Variants in FBLN2 observed in about 807,000 individuals in gnomAD.
FBLN2 encodes fibulin 2, also known as fibulin-2.
In FBLN2, 81 loss-of-function variants were observed where a neutral mutation model predicts 123.7. The observed-to-expected ratio is 0.65, with a 90% CI of 0.55 to 0.79. The LOEUF (loss-of-function observed/expected upper bound fraction) is 0.79. Among genes scored for constraint, FBLN2 ranks in the 30% least tolerant of loss-of-function variants. The probability of loss-of-function intolerance (pLI) is 0.00; values close to 1 mark genes in which losing one functional copy is unlikely to be tolerated. For missense variants in FBLN2, 1,603 were observed against 1,681.3 expected, an observed-to-expected ratio of 0.95 and a Z score of 0.81; for synonymous variants, 699 against 701.4, an observed-to-expected ratio of 1.00 and a Z score of 0.05.
intron 17 of FBLN2, among the ~76,000 whole-genome samples, chr3:13,637,133 G>A (rs770312275): frequency 5.9e-5 from 9 of 152,172 alleles, no homozygotes; most frequent in African/African-American, 9.7e-5. Flanking sequence ...CTGACAGACC[G>A]CTACTCTGCC....
chr3:13,599,906 G>A (rs1316020850), intron 2 of FBLN2, among the ~76,000 whole-genome samples: 3 of 151,672 alleles, frequency 2.0e-5, no homozygotes, highest in Non-Finnish European at 4.4e-5. Context: ...GAGGAAGGTG[G>A]CATTGGAAGC....
At chr3:13,606,592 A>T (rs1396871482) in intron 2 of FBLN2, among the ~76,000 whole-genome samples, 1 of 152,246 alleles carries the variant, frequency 6.6e-6, no homozygotes, top group Non-Finnish European at 1.5e-5. Flanking sequence ...GTTGACAGGA[A>T]GCCTTACTGA....
chr3:13,574,848 A>T (rs1050463157), intron 2 of FBLN2, among the ~76,000 whole-genome samples: 1 of 152,130 alleles, frequency 6.6e-6, no homozygotes, highest in African/African-American at 2.4e-5. Context: ...TCAGTTGGGC[A>T]GCCCGATCCC....
chr3:13,613,487 A>T (rs1047385641), intron 4 of FBLN2, among the ~76,000 whole-genome samples: 1 of 152,208 alleles, frequency 6.6e-6, no homozygotes, highest in African/African-American at 2.4e-5. Flanking sequence ...TGTAGCTTCC[A>T]TCTTCAGGGT....
intron 2 of FBLN2, among the ~76,000 whole-genome samples, chr3:13,604,699 T>C (rs576698344): frequency 6.6e-6 from 1 of 152,346 alleles, no homozygotes; most frequent in South Asian, 2.1e-4. Context: ...TGTTCCCCCA[T>C]TGAGTATGAT....
intron 11 of FBLN2, among the ~76,000 whole-genome samples, chr3:13,628,328 T>G (rs970855992): frequency 6.6e-6 from 1 of 152,122 alleles, no homozygotes; most frequent in Non-Finnish European, 1.5e-5. Context: ...TCTACACACA[T>G]CCAGGAAGAA....
At chr3:13,556,250 C>T (rs567651021) in intron 1 of FBLN2, among the ~76,000 whole-genome samples, 26 of 152,096 alleles carry the variant, frequency 1.7e-4, no homozygotes, top group African/African-American at 5.5e-4. Context: ...CCCTAGATTT[C>T]GTTCCTGGTG....
At chr3:13,612,197 C>T (rs1015723951) in intron 4 of FBLN2, among the ~76,000 whole-genome samples, 14 of 152,036 alleles carry the variant, frequency 9.2e-5, no homozygotes, top group East Asian at 1.9e-4. Flanking sequence ...GGTCTAGAAA[C>T]GTTTAGAATC....
intron 16 of FBLN2, among the ~76,000 whole-genome samples, chr3:13,634,242 C>T (rs752085624): frequency 1.3e-5 from 2 of 152,238 alleles, no homozygotes; most frequent in Non-Finnish European, 2.9e-5. Context: ...TTGCGGCTGA[C>T]CCTGGCTGTC....
chr3:13,586,922 A>G (rs1316720124), intron 2 of FBLN2, among the ~76,000 whole-genome samples: 1 of 151,608 alleles, frequency 6.6e-6, no homozygotes, highest in Non-Finnish European at 1.5e-5. Flanking sequence ...CTGAGGGCGG[A>G]TCACCTGAGG....
At chr3:13,567,190 C>T (rs559764690) in intron 1 of FBLN2, among the ~76,000 whole-genome samples, 2 of 113,874 alleles carry the variant, frequency 1.8e-5, no homozygotes, top group Admixed American at 9.7e-5. Context: ...CTTGGTGGAC[C>T]GGGTGGTGGG....
chr3:13,606,012 C>A (rs1417910661), intron 2 of FBLN2, among the ~76,000 whole-genome samples: 1 of 152,060 alleles, frequency 6.6e-6, no homozygotes, highest in Non-Finnish European at 1.5e-5. Flanking sequence ...AACCTCCAAC[C>A]CCCCTCCCCA....
At position 13,631,351 on chromosome 3, in the gene FBLN2, C is replaced by T. The variant is rs758878199; in HGVS notation, c.3108C>T (p.Gly1036=). The T allele has an allele frequency of 1.9e-5, 30 of 1,602,524 alleles. No individual in the cohort carries two copies. The highest frequency in any genetic ancestry group is 6.8e-5 in the East Asian group (3 of 44,416). The change falls in exon 16 of 18, where the codon GGC becomes GGT. Residue 1036 remains glycine, a synonymous_variant. Coordinates refer to ENST00000404922, the MANE Select transcript of FBLN2 (RefSeq NM_001004019.2). ...CAGACATCGACGAGTGTGCTCAAGG[C>T]GCCGGCATCCTCTGCACCTTCCGCT... ...TCTDIDECAQ[G]AGILCTFRCL...
chr3:13,619,730 A>G lies in FBLN2; in HGVS notation c.2054A>G (p.Asp685Gly). The part of the protein sequence containing the change: ...LPLPQPNTCK[D>G]NGPCKQVCST... ...CTGATTTCTGTGTGGTTTCCTCCAG[A>G]CAATGGACCCTGCAAGCAGGTGTGC... Residue 685 changes from aspartate to glycine, a missense_variant and splice_region_variant, in exon 8 of 18, where the codon GAC becomes GGC. Coordinates refer to ENST00000404922, the MANE Select transcript of FBLN2 (RefSeq NM_001004019.2). 2 of 1,613,042 alleles carry G rather than the reference A, an allele frequency of 1.2e-6. No homozygotes were observed. Among genetic ancestry groups the G allele is most frequent in the African/African-American group, 1.3e-5 (1 of 75,038 alleles).
In FBLN2 at chr3:13,622,147, G is replaced by T. The variant is rs533404648; in HGVS notation, c.2296+232G>T. 3.3e-5 allele frequency among the ~76,000 whole-genome samples: 5 copies of T among 152,332 alleles called. No homozygotes were observed. The South Asian group carries it at 8.3e-4, about 25-fold the overall frequency. ...CCCAGGGACGTGTCTATGTGTCAGG[G>T]AACTGGATGTGTGGCCTGGTGGATC... On this transcript the variant is annotated intron_variant, in intron 9 of 17. Coordinates refer to ENST00000404922, the MANE Select transcript of FBLN2 (RefSeq NM_001004019.2).
At chr3:13,550,304 C>T (rs925632550) in intron 1 of FBLN2, among the ~76,000 whole-genome samples, 4 of 152,212 alleles carry the variant, frequency 2.6e-5, no homozygotes, top group Admixed American at 6.5e-5. Context: ...GGGCCTGACT[C>T]CTCACCTCCG....
chr3:13,580,172 C>T (rs539995444), intron 2 of FBLN2, among the ~76,000 whole-genome samples: 32 of 152,340 alleles, frequency 2.1e-4, no homozygotes, highest in African/African-American at 7.5e-4. Flanking sequence ...TGAGCTTTCT[C>T]TGCCAGGCTT....
chr3:13,598,687 T>G (rs1704927836), intron 2 of FBLN2, among the ~76,000 whole-genome samples: 1 of 152,154 alleles, frequency 6.6e-6, no homozygotes, highest in Non-Finnish European at 1.5e-5. Context: ...AGCCCCAGAT[T>G]TTACCAGGGA....
intron 16 of FBLN2, among the ~76,000 whole-genome samples, chr3:13,632,727 A>C (rs1389591908): frequency 2.0e-5 from 3 of 152,136 alleles, no homozygotes; most frequent in African/African-American, 7.2e-5. Flanking sequence ...CAGAGTCGTA[A>C]GTTAAGTCAG....
Sources: allele counts gnomAD v4.1 joint callset (sites outside exome capture counted in the v4.1 genomes callset), GRCh38; gene constraint gnomAD v4.1.1; transcripts MANE v1.5; gene names NCBI Gene and HGNC (gene_info 2026-07-23, HGNC 2026-07-21).